SEMA3A: variants seen among roughly 807,000 people sequenced by gnomAD.
The protein encoded by SEMA3A is semaphorin 3A, also known as semaphorin-3A.
SEMA3A carries 29 observed loss-of-function variants against 97.9 expected under a neutral mutation model. The observed-to-expected ratio is 0.30, with a 90% confidence interval of 0.22 to 0.40. SEMA3A has a LOEUF of 0.40. Among genes scored for constraint, SEMA3A ranks in the 10% least tolerant of loss-of-function variants. The pLI, the probability that SEMA3A is intolerant of heterozygous loss-of-function variation, is 1.00. For missense variants in SEMA3A, 763 were observed against 951.3 expected, an observed-to-expected ratio of 0.80 and a Z score of 2.60; for synonymous variants, 321 against 323.7, an observed-to-expected ratio of 0.99 and a Z score of 0.09.
At chr7:83,966,526 T>C (rs997322327) in intron 15 of SEMA3A, among the ~76,000 whole-genome samples, 3 of 152,074 alleles carry the variant, frequency 2.0e-5, no homozygotes, top group African/African-American at 7.2e-5. Context: ...TCTTTCCCCT[T>C]TTTGTCCAAC....
chr7:84,234,155 G>C (rs946119971), intron 3 of SEMA3A, among the ~76,000 whole-genome samples: 13 of 151,940 alleles, frequency 8.6e-5, no homozygotes, highest in Non-Finnish European at 1.6e-4. Flanking sequence ...TATATCATTT[G>C]TTCTCATTCT....
At chr7:84,061,314 A>C (rs1014822266) in intron 4 of SEMA3A, among the ~76,000 whole-genome samples, 2 of 152,188 alleles carry the variant, frequency 1.3e-5, no homozygotes, top group African/African-American at 2.4e-5. Flanking sequence ...CACATGTCTC[A>C]AGGTAGAATA....
At chr7:84,158,882 T>A (rs34897715) in intron 1 of SEMA3A, among the ~76,000 whole-genome samples, 57,899 of 149,026 alleles carry the variant, frequency 0.39, 12,877 homozygotes, top group Admixed American at 0.5. Flanking sequence ...TTTGTAGATT[T>A]TCTTTAAAAA....
intron 3 of SEMA3A, among the ~76,000 whole-genome samples, chr7:84,280,818 A>G: frequency 6.6e-6 from 1 of 152,106 alleles, no homozygotes; most frequent in East Asian, 1.9e-4. Flanking sequence ...TATAGAAATA[A>G]TAATATAAAA....
chr7:83,995,576 A>G (rs936348800), intron 12 of SEMA3A, among the ~76,000 whole-genome samples: 5 of 152,316 alleles, frequency 3.3e-5, no homozygotes, highest in African/African-American at 1.2e-4. Flanking sequence ...ACATTCATTT[A>G]AATAAGCTAC....
chr7:84,469,121 G>A (rs563866082), intron 1 of SEMA3A, among the ~76,000 whole-genome samples: 110 of 152,208 alleles, frequency 7.2e-4, no homozygotes, highest in Non-Finnish European at 1.1e-3. Flanking sequence ...CATGTTTTAC[G>A]TTTTGATATT....
intron 3 of SEMA3A, among the ~76,000 whole-genome samples, chr7:84,261,395 T>C (rs554557818): frequency 1.3e-5 from 2 of 152,234 alleles, no homozygotes; most frequent in African/African-American, 2.4e-5. Context: ...GCTGACCACA[T>C]TGTGGGTGAT....
chr7:84,267,528 A>C (rs765382742), intron 3 of SEMA3A, among the ~76,000 whole-genome samples: 13 of 152,108 alleles, frequency 8.5e-5, no homozygotes, highest in Non-Finnish European at 1.8e-4. Context: ...TGGGTCTTTA[A>C]AAATGTAATT....
At chr7:84,359,083 G>A (rs13438222) in intron 2 of SEMA3A, among the ~76,000 whole-genome samples, 43,862 of 151,926 alleles carry the variant, frequency 0.29, 6,809 homozygotes, top group African/African-American at 0.39. Flanking sequence ...GTCATCTGCA[G>A]ACAGGGACAA....
chr7:84,423,654 T>A (rs1444572596), intron 1 of SEMA3A, among the ~76,000 whole-genome samples: 1 of 152,060 alleles, frequency 6.6e-6, no homozygotes, highest in African/African-American at 2.4e-5. Flanking sequence ...TTTTCTTTGT[T>A]TCCCCAAATG....
chr7:83,978,854 C>T (rs1324203366), intron 14 of SEMA3A, among the ~76,000 whole-genome samples: 3 of 152,078 alleles, frequency 2.0e-5, no homozygotes, highest in African/African-American at 7.2e-5. Context: ...TTAAAGACAG[C>T]GTGTCACTCA....
intron 1 of SEMA3A, among the ~76,000 whole-genome samples, chr7:84,414,649 C>T (rs894206843): frequency 2.6e-5 from 4 of 151,950 alleles, no homozygotes; most frequent in African/African-American, 7.2e-5. Context: ...CATGAATAAA[C>T]GTTCAAAAAC....
chr7:84,443,105 A>T, intron 1 of SEMA3A, among the ~76,000 whole-genome samples: 1 of 152,170 alleles, frequency 6.6e-6, no homozygotes, highest in East Asian at 1.9e-4. Context: ...ACAACACAAC[A>T]AATGAATTAG....
chr7:84,111,706 T>G (rs541413692), intron 3 of SEMA3A, among the ~76,000 whole-genome samples: 1 of 152,252 alleles, frequency 6.6e-6, no homozygotes, highest in East Asian at 1.9e-4. Context: ...TGCTGAGTAC[T>G]TTGGGGGTAA....
intron 2 of SEMA3A, among the ~76,000 whole-genome samples, chr7:84,363,399 T>C (rs1401632987): frequency 6.6e-6 from 1 of 151,934 alleles, no homozygotes; most frequent in Non-Finnish European, 1.5e-5. Flanking sequence ...CCAGGTGCCT[T>C]TGCCTTAAAG....
chr7:84,433,105 C>T (rs1362119256), intron 1 of SEMA3A, among the ~76,000 whole-genome samples: 1 of 151,466 alleles, frequency 6.6e-6, no homozygotes, highest in Admixed American at 6.6e-5. Context: ...ACTTTAAGTT[C>T]TGGGGTAAAT....
intron 2 of SEMA3A, among the ~76,000 whole-genome samples, chr7:84,331,833 A>G (rs888302205): frequency 1.3e-5 from 2 of 151,984 alleles, no homozygotes; most frequent in African/African-American, 2.4e-5. Flanking sequence ...GAAAAGGGGG[A>G]AATGGAAGGC....
intron 1 of SEMA3A, among the ~76,000 whole-genome samples, chr7:84,406,063 G>C (rs1305238162): frequency 6.6e-6 from 1 of 152,058 alleles, no homozygotes; most frequent in Non-Finnish European, 1.5e-5. Flanking sequence ...CAAAACTGAA[G>C]GAAATAGAGA....
upstream of SEMA3A, among the ~76,000 whole-genome samples, chr7:84,196,765 T>C (rs1402691010): frequency 6.6e-6 from 1 of 152,170 alleles, no homozygotes; most frequent in Non-Finnish European, 1.5e-5. Flanking sequence ...ATTTCAAGGA[T>C]TGGACTAATG....
Sources: gnomAD v4.1 joint callset for allele counts (sites outside exome capture counted in the v4.1 genomes callset) on GRCh38, gnomAD v4.1.1 for gene constraint, MANE v1.5 for transcripts, NCBI Gene and HGNC (gene_info 2026-07-23, HGNC 2026-07-21) for gene names.